The following RBFOX1 variants were observed in gnomAD, a reference collection of about 807,000 sequenced individuals.
RBFOX1 encodes the protein RNA binding fox-1 homolog 1, also known as RNA binding protein fox-1 homolog 1.
Under a neutral mutation model 57.7 loss-of-function variants are expected in RBFOX1, and 8 were observed. The ratio of observed to expected loss-of-function variants is 0.14; its 90% CI spans 0.08 to 0.25. The LOEUF (loss-of-function observed/expected upper bound fraction) is 0.25, where lower values mean the gene tolerates loss of function less well. Ranked by LOEUF, RBFOX1 falls within the 10% of genes least tolerant of loss-of-function variation. The pLI is 1.00. For missense variants in RBFOX1, 611 were observed against 548.5 expected, an observed-to-expected ratio of 1.11 and a Z score of -1.14; for synonymous variants, 326 against 222.4, an observed-to-expected ratio of 1.47 and a Z score of -4.15.
At chr16:6,804,712 C>A (rs994068371) in intron 3 of RBFOX1, among the ~76,000 whole-genome samples, 3 of 152,090 alleles carry the variant, frequency 2.0e-5, no homozygotes, top group Admixed American at 2.0e-4. Flanking sequence ...ATGACTGGGG[C>A]AGAACAGGGT....
At chr16:7,690,527 T>C (rs543264108) in intron 14 of RBFOX1, among the ~76,000 whole-genome samples, 13 of 152,172 alleles carry the variant, frequency 8.5e-5, no homozygotes, top group African/African-American at 3.1e-4. Context: ...ATCAGGTGCA[T>C]TTTGAAGTTT....
intron 5 of RBFOX1, among the ~76,000 whole-genome samples, chr16:7,574,970 A>G (rs556438728): frequency 2.8e-4 from 41 of 148,804 alleles, no homozygotes; most frequent in Non-Finnish European, 5.5e-4. Flanking sequence ...TTTGCTTTAT[A>G]TGTTTGGTGG....
At chr16:6,129,779 A>T (rs1231830903) in intron 1 of RBFOX1, among the ~76,000 whole-genome samples, 1 of 151,814 alleles carries the variant, frequency 6.6e-6, no homozygotes, top group Non-Finnish European at 1.5e-5. Flanking sequence ...TATTGAAAAC[A>T]GCCAGTGAAA....
rs1002861251 is a variant in RBFOX1, at chr16:6,962,816, G to A, written c.-15-89241G>A. Among the ~76,000 whole-genome samples, 3 of 150,796 alleles carry A rather than the reference G, an allele frequency of 2.0e-5. No individual in the cohort carries two copies. The Admixed American group carries it at 2.0e-4, about 10-fold the overall frequency. ...GGAGATGGAGGCTGCAGTGAGCTGTGATCATGCCACTGCACTCCAGCCTGG... is the reference window on the plus strand; with the variant it reads ...GGAGATGGAGGCTGCAGTGAGCTGTAATCATGCCACTGCACTCCAGCCTGG... On this transcript the variant is annotated intron_variant, in intron 3 of 15. Coordinates refer to ENST00000550418, the MANE Select transcript of RBFOX1 (RefSeq NM_018723.4).
intron 4 of RBFOX1, among the ~76,000 whole-genome samples, chr16:7,216,212 T>C (rs972443492): frequency 6.6e-6 from 1 of 152,226 alleles, no homozygotes. Flanking sequence ...TTCCACTTAT[T>C]GGCTATTGTG....
chr16:7,208,374 G>T (rs192175807), intron 4 of RBFOX1, among the ~76,000 whole-genome samples: 6 of 152,300 alleles, frequency 3.9e-5, no homozygotes, highest in African/African-American at 9.6e-5. Context: ...GGGTGTTTTG[G>T]CTTATGGTTC....
At chr16:6,345,294 C>T (rs1394944945) in intron 2 of RBFOX1, among the ~76,000 whole-genome samples, 1 of 152,190 alleles carries the variant, frequency 6.6e-6, no homozygotes, top group African/African-American at 2.4e-5. Context: ...CTGCTCCTTA[C>T]AGAGCAGGGC....
intron 3 of RBFOX1, among the ~76,000 whole-genome samples, chr16:5,856,555 GTGTGTGTA>G (rs1197874721): frequency 2.6e-4 from 15 of 58,110 alleles, no homozygotes; most frequent in Admixed American, 4.1e-4. Flanking sequence ...GTGTGTGTGT[GTGTGTGTA>G]TGTGTGTGTG....
intron 4 of RBFOX1, among the ~76,000 whole-genome samples, chr16:7,079,962 C>G (rs555921374): frequency 6.0e-5 from 9 of 150,120 alleles, no homozygotes; most frequent in Non-Finnish European, 7.4e-5. Context: ...TGCAGCTGAA[C>G]TATGCATTTA....
intron 4 of RBFOX1, among the ~76,000 whole-genome samples, chr16:7,424,707 G>A (rs1047979420): frequency 6.6e-6 from 1 of 152,100 alleles, no homozygotes; most frequent in Non-Finnish European, 1.5e-5. Context: ...CTATGGAAGG[G>A]GATACAATTT....
At chr16:6,617,250 G>A (rs1313021789) in intron 2 of RBFOX1, among the ~76,000 whole-genome samples, 1 of 151,808 alleles carries the variant, frequency 6.6e-6, no homozygotes, top group Non-Finnish European at 1.5e-5. Context: ...TCAATTACAT[G>A]AAGCAAATAT....
At chr16:5,378,307 A>G (rs1261542613) in intron 1 of RBFOX1, among the ~76,000 whole-genome samples, 2 of 151,482 alleles carry the variant, frequency 1.3e-5, no homozygotes, top group Non-Finnish European at 2.9e-5. Context: ...TGTGTCAGAG[A>G]TGTCCTGCCT....
Position 6,982,860 on chromosome 16 carries a change from G to A in RBFOX1, c.-15-69197G>A, listed in dbSNP as rs551293150. Among the ~76,000 whole-genome samples the A allele has an allele frequency of 9.9e-5, 15 of 152,088 alleles. No homozygotes were observed. In the South Asian group the frequency reaches 3.1e-3, roughly 32 times the overall value. On this transcript the variant is annotated intron_variant, in intron 3 of 15. Transcript: ENST00000550418. ...ATACAAAAATTAGCTGGGCATGGTG[G>A]CGGATGCCTGTAATCCAAGATACTT... is the stretch of plus-strand genomic sequence containing the variant.
At position 6,238,720 on chromosome 16, in the gene RBFOX1, G is replaced by A. The variant is rs112763569; in HGVS notation, c.-126-78275G>A. Among the ~76,000 whole-genome samples the A allele has an allele frequency of 1.2e-3, 178 of 152,152 alleles. 1 individual carries two copies. The highest frequency in any genetic ancestry group is 4.1e-3 in the African/African-American group (170 of 41,516). On this transcript the variant is annotated intron_variant, in intron 1 of 15. Coordinates refer to ENST00000550418, the MANE Select transcript of RBFOX1 (RefSeq NM_018723.4). ...TGGTTTTTATTGTTTGCAATGTCTTGCTCTTGTTACATTTTTCTGACTGAC... is the reference window on the plus strand; with the variant it reads ...TGGTTTTTATTGTTTGCAATGTCTTACTCTTGTTACATTTTTCTGACTGAC...
At chr16:6,092,498 C>A (rs1031306990) in intron 1 of RBFOX1, 1 of 152,182 alleles carries the variant, frequency 6.6e-6, no homozygotes, top group Non-Finnish European at 1.5e-5. Context: ...GACATCTTCA[C>A]GTGCTTCGTG....
chr16:6,384,178 A>G (rs2092073469), intron 2 of RBFOX1, among the ~76,000 whole-genome samples: 1 of 151,318 alleles, frequency 6.6e-6, no homozygotes, highest in Non-Finnish European at 1.5e-5. Context: ...AAGGTTAACC[A>G]TGCTTTATGC....
At chr16:6,975,964 A>G (rs1049182625) in intron 3 of RBFOX1, among the ~76,000 whole-genome samples, 3 of 151,898 alleles carry the variant, frequency 2.0e-5, no homozygotes, top group Non-Finnish European at 4.4e-5. Flanking sequence ...CATCTGTACT[A>G]AAAAATACAA....
At chr16:5,874,843 G>A (rs79501036) in intron 4 of RBFOX1, among the ~76,000 whole-genome samples, 19,153 of 152,110 alleles carry the variant, frequency 0.13, 1,645 homozygotes, top group Non-Finnish European at 0.18. Context: ...TGCTCAGGAG[G>A]CTGAGACGGG....
At position 6,494,766 on chromosome 16, in the gene RBFOX1, C is replaced by A. The variant is rs145446686; in HGVS notation, c.-63-159837C>A. Among the ~76,000 whole-genome samples, 199 of 152,272 alleles carry A rather than the reference C, an allele frequency of 1.3e-3. 1 individual carries two copies. Among genetic ancestry groups the A allele is most frequent in the Non-Finnish European group, 2.3e-3 (159 of 68,032 alleles). On this transcript the variant is annotated intron_variant, in intron 2 of 15. Coordinates refer to ENST00000550418, the MANE Select transcript of RBFOX1 (RefSeq NM_018723.4). ...TCAATATGTTGCACCCATTGGAAGT[C>A]AATGCCAGTTGCGTACAAACTGATA...
Sources: allele counts gnomAD v4.1 joint callset (sites outside exome capture counted in the v4.1 genomes callset), GRCh38; gene constraint gnomAD v4.1.1; transcripts MANE v1.5; gene names NCBI Gene and HGNC (gene_info 2026-07-23, HGNC 2026-07-21).